Variants in TMPRSS15 observed in about 807,000 individuals in gnomAD.
The protein encoded by TMPRSS15 is enteropeptidase.
TMPRSS15 carries 128 observed loss-of-function variants against 125.3 expected under a neutral mutation model. The ratio of observed to expected loss-of-function variants is 1.02; its 90% CI spans 0.89 to 1.18. TMPRSS15 has a LOEUF of 1.18. TMPRSS15 is among the 50% of genes most tolerant of loss of function. The pLI, the probability that TMPRSS15 is intolerant of heterozygous loss-of-function variation, is 0.00. For missense variants in TMPRSS15, 1,283 were observed against 1,212.7 expected (o/e 1.06, Z -0.86); for synonymous variants, 446 against 423.2 (o/e 1.05, Z -0.66).
intron 9 of TMPRSS15, 108 bp from the exon 10 acceptor site, chr21:18,353,160 G>T: frequency 1.1e-6 from 1 of 949,174 alleles, no homozygotes; most frequent in East Asian, 2.5e-5. Flanking sequence ...ATACTTCAGT[G>T]GTATGTACAA....
chr21:18,464,555 C>T (rs1341951486), intron 1 of TMPRSS15, among the ~76,000 whole-genome samples: 1 of 151,962 alleles, frequency 6.6e-6, no homozygotes, highest in African/African-American at 2.4e-5. Context: ...CAAATAAACA[C>T]AATAAAATAT....
chr21:18,361,592 G>T (rs984003282), intron 7 of TMPRSS15, among the ~76,000 whole-genome samples: 2 of 152,100 alleles, frequency 1.3e-5, no homozygotes, highest in Non-Finnish European at 2.9e-5. Flanking sequence ...GGCCAATAAG[G>T]CAATCAAGGA....
At chr21:18,418,496 C>T (rs1278964639) in intron 1 of TMPRSS15, among the ~76,000 whole-genome samples, 2 of 152,144 alleles carry the variant, frequency 1.3e-5, no homozygotes, top group Non-Finnish European at 2.9e-5. Flanking sequence ...GGGCTACAAC[C>T]TTAAACTTGG....
rs1008107169 is a variant in TMPRSS15 at position 18,373,794 on chromosome 21, C to A, written c.533-1470G>T. ...AGTATCTGTTGAACTCTTGATTAGA[C>A]CCCAAAACCACACCAGCAAGTCATA... is the stretch of plus-strand genomic sequence containing the variant. On this transcript the variant is annotated intron_variant, in intron 5 of 24. Transcript: ENST00000284885. Among the ~76,000 whole-genome samples the A allele has an allele frequency of 2.0e-5, 3 of 152,254 alleles. No homozygotes were observed. In the South Asian group the frequency reaches 6.2e-4, roughly 32 times the overall value.
At chr21:18,305,183 C>CTTTTTTTTTTTTT (rs59103494) in intron 18 of TMPRSS15, among the ~76,000 whole-genome samples, 1 of 86,044 alleles carries the variant, frequency 1.2e-5, no homozygotes, top group Non-Finnish European at 2.1e-5. Context: ...AATTTCCGTA[C>CTTTTTTTTTTTTT]TTTTTTTTTT....
chr21:18,460,932 C>A (rs1459885758), intron 1 of TMPRSS15, among the ~76,000 whole-genome samples: 1 of 152,168 alleles, frequency 6.6e-6, no homozygotes, highest in Admixed American at 6.6e-5. Flanking sequence ...CCATGTTTTA[C>A]ACTTTAATTA....
At chr21:18,427,798 T>C (rs1244587608) in intron 1 of TMPRSS15, among the ~76,000 whole-genome samples, 3 of 152,102 alleles carry the variant, frequency 2.0e-5, no homozygotes, top group South Asian at 2.1e-4. Context: ...CAAATGTGGA[T>C]AAGGCAAAAG....
At chr21:18,350,275 C>A (rs371693220) in intron 10 of TMPRSS15, among the ~76,000 whole-genome samples, 4 of 152,146 alleles carry the variant, frequency 2.6e-5, no homozygotes, top group African/African-American at 9.6e-5. Context: ...TTCATGTCAT[C>A]ATTTTCAACA....
At chr21:18,344,294 C>T (rs1320679692) in intron 10 of TMPRSS15, among the ~76,000 whole-genome samples, 3 of 152,116 alleles carry the variant, frequency 2.0e-5, no homozygotes, top group Admixed American at 6.5e-5. Context: ...AAACAAGAGT[C>T]TTGAAGTGGA....
intron 7 of TMPRSS15, among the ~76,000 whole-genome samples, chr21:18,362,559 G>A (rs1392594056): frequency 6.6e-6 from 1 of 152,036 alleles, no homozygotes; most frequent in Non-Finnish European, 1.5e-5. Flanking sequence ...ATTTATAAAA[G>A]TAAGATTAAT....
intron 1 of TMPRSS15, among the ~76,000 whole-genome samples, chr21:18,426,200 A>G (rs1380991476): frequency 2.0e-5 from 3 of 152,192 alleles, no homozygotes; most frequent in Non-Finnish European, 4.4e-5. Flanking sequence ...CTGTGCAGAT[A>G]ATAACTCACT....
At chr21:18,341,607 A>C in intron 12 of TMPRSS15, 59 bp from the exon 13 acceptor site, 1 of 1,580,762 alleles carries the variant, frequency 6.3e-7, no homozygotes. Flanking sequence ...CTCTGACTTG[A>C]TTCTTCTTGT....
At chr21:18,472,599 C>T (rs1272956758) in intron 1 of TMPRSS15, among the ~76,000 whole-genome samples, 1 of 151,532 alleles carries the variant, frequency 6.6e-6, no homozygotes, top group Non-Finnish European at 1.5e-5. Context: ...AATAAATAAA[C>T]TGCTTGATGA....
chr21:18,426,347 A>G (rs142827342), intron 1 of TMPRSS15, among the ~76,000 whole-genome samples: 137 of 152,340 alleles, frequency 9.0e-4, no homozygotes, highest in African/African-American at 3.2e-3. Context: ...CAGCTCAGGC[A>G]CATGATCTGG....
intron 13 of TMPRSS15, among the ~76,000 whole-genome samples, chr21:18,334,321 C>G (rs895241542): frequency 3.9e-5 from 6 of 152,138 alleles, no homozygotes; most frequent in African/African-American, 1.4e-4. Context: ...GTTCTTCATG[C>G]CTTTCAGGGC....
chr21:18,369,604 A>T (rs758102626), intron 6 of TMPRSS15, among the ~76,000 whole-genome samples: 3 of 152,178 alleles, frequency 2.0e-5, no homozygotes, highest in Non-Finnish European at 4.4e-5. Flanking sequence ...CAATAACACA[A>T]ACCAGAATTA....
chr21:18,296,727 G>A (rs932249925), intron 19 of TMPRSS15, among the ~76,000 whole-genome samples: 5 of 152,146 alleles, frequency 3.3e-5, no homozygotes, highest in South Asian at 4.1e-4. Flanking sequence ...ATTTAGACAC[G>A]CCTTACAGGA....
At chr21:18,400,608 A>T (rs2076086253) in intron 1 of TMPRSS15, among the ~76,000 whole-genome samples, 1 of 152,296 alleles carries the variant, frequency 6.6e-6, no homozygotes, top group East Asian at 1.9e-4. Context: ...TTAAATTAAG[A>T]CCTCAAACTA....
intron 7 of TMPRSS15, among the ~76,000 whole-genome samples, chr21:18,360,722 C>G (rs2075672396): frequency 1.3e-5 from 2 of 151,742 alleles, no homozygotes. Flanking sequence ...AGTGTGAGAC[C>G]CCAGGTTTGT....
Sources: allele counts gnomAD v4.1 joint callset (sites outside exome capture counted in the v4.1 genomes callset), GRCh38; gene constraint gnomAD v4.1.1; transcripts MANE v1.5; gene names NCBI Gene and HGNC (gene_info 2026-07-23, HGNC 2026-07-21).